SPOCK2: variants seen among roughly 807,000 people sequenced by gnomAD.
The protein encoded by SPOCK2 is SPARC (osteonectin), cwcv and kazal like domains proteoglycan 2, also known as testican-2.
In SPOCK2, 39 loss-of-function variants were observed where a neutral mutation model predicts 60.1. The observed-to-expected ratio is 0.65, with a 90% CI of 0.50 to 0.85. The LOEUF (loss-of-function observed/expected upper bound fraction) is 0.85. Among genes scored for constraint, SPOCK2 ranks in the 40% least tolerant of loss-of-function variants. The probability of loss-of-function intolerance (pLI) is 0.00; values close to 1 mark genes in which losing one functional copy is unlikely to be tolerated. For missense variants in SPOCK2, 523 were observed against 567.4 expected, an observed-to-expected ratio of 0.92 and a Z score of 0.80; for synonymous variants, 217 against 231.5, an observed-to-expected ratio of 0.94 and a Z score of 0.57.
At chr10:72,076,292 G>A (rs1840714354) in intron 1 of SPOCK2, among the ~76,000 whole-genome samples, 1 of 152,256 alleles carries the variant, frequency 6.6e-6, no homozygotes, top group South Asian at 2.1e-4. Flanking sequence ...CCACCTTTAA[G>A]CTGAAAAAAA....
chr10:72,088,038 A>G (rs1309403182), intron 1 of SPOCK2, 102 bp downstream of exon 1: 2 of 1,418,322 alleles, frequency 1.4e-6, no homozygotes, highest in African/African-American at 1.4e-5. Flanking sequence ...CAGGCTGCGG[A>G]GCCTCGGGCT....
At chr10:72,072,846 G>C in intron 2 of SPOCK2, 56 bp downstream of exon 2, 1 of 1,551,314 alleles carries the variant, frequency 6.4e-7, no homozygotes, top group Non-Finnish European at 8.7e-7. Flanking sequence ...GACACAGGAG[G>C]GGAGGGGGTG....
intron 1 of SPOCK2, among the ~76,000 whole-genome samples, chr10:72,079,538 G>C (rs184890024): frequency 6.6e-6 from 1 of 152,308 alleles, no homozygotes; most frequent in Admixed American, 6.5e-5. Context: ...GAGCCAAGCT[G>C]GGGGAGACAG....
chr10:72,086,782 C>T (rs1840861777), intron 1 of SPOCK2: 2 of 1,493,260 alleles, frequency 1.3e-6, no homozygotes, highest in East Asian at 2.6e-5. Flanking sequence ...TACAACCTGC[C>T]AGTTTGACTT....
chr10:72,082,796 G>C (rs1840803756), intron 1 of SPOCK2, among the ~76,000 whole-genome samples: 1 of 146,566 alleles, frequency 6.8e-6, no homozygotes, highest in Non-Finnish European at 1.5e-5. Context: ...GGAGGTTGCA[G>C]TGAGCCAGGA....
At chr10:72,069,197 G>A (rs1042652383) in intron 5 of SPOCK2, 3 of 159,342 alleles carry the variant, frequency 1.9e-5, no homozygotes, top group South Asian at 3.7e-4. Flanking sequence ...CAGCTCCCCT[G>A]CACCCCTCTC....
At chr10:72,066,812 A>C (rs2131811625) in intron 8 of SPOCK2, 90 bp downstream of exon 8, 1 of 1,477,642 alleles carries the variant, frequency 6.8e-7, no homozygotes, top group Non-Finnish European at 9.3e-7. Flanking sequence ...GTAGCCAAGA[A>C]AGAGCCACTC....
chr10:72,076,039 ACC>A (rs1317689594), intron 1 of SPOCK2, among the ~76,000 whole-genome samples: 2 of 151,886 alleles, frequency 1.3e-5, no homozygotes, highest in South Asian at 4.2e-4. Flanking sequence ...TGGAGAAGAG[ACC>A]CCCGGACTGC....
intron 8 of SPOCK2, 124 bp from the exon 9 acceptor site, chr10:72,064,364 C>T (rs1431740624): frequency 5.6e-6 from 6 of 1,072,790 alleles, no homozygotes; most frequent in African/African-American, 3.3e-5. Flanking sequence ...GTTTCTGACA[C>T]GGGGTCACCC....
chr10:72,088,909 CTG>C (rs1840904924), upstream of SPOCK2: 1 of 152,438 alleles, frequency 6.6e-6, no homozygotes, highest in Non-Finnish European at 1.5e-5. Context: ...TGGCCAGACA[CTG>C]TTTTTCTCCC....
chr10:72,072,928 G>T lies in SPOCK2; in HGVS notation c.190-18C>A, dbSNP rs1371715690. ...TCCACTTCCTGGAGATCAGGGAACA[G>T]CAGCAGGCCATGGAAAACGGAGCAG... On this transcript the variant is annotated intron_variant, in intron 1 of 10. Coordinates refer to ENST00000373109, the MANE Select transcript of SPOCK2 (RefSeq NM_001244950.2). The T allele has an allele frequency of 6.4e-7, 1 of 1,554,762 alleles. No individual in the cohort carries two copies. The highest frequency in any genetic ancestry group is 8.7e-7 in the Non-Finnish European group (1 of 1,148,654).
chr10:72,068,219 T>C lies in SPOCK2; in HGVS notation c.557A>G (p.Gln186Arg), dbSNP rs1840597923. The C allele has an allele frequency of 5.0e-6, 8 of 1,609,444 alleles. No homozygotes were observed. The highest frequency in any genetic ancestry group is 6.8e-6 in the Non-Finnish European group (8 of 1,177,736). Residue 186 changes from glutamine (Q) to arginine (R), a missense_variant, in exon 6 of 11, where the codon CAG becomes CGG. Gln to Arg is a conservative substitution (Grantham distance 43, BLOSUM62 1). Coordinates refer to ENST00000373109, the MANE Select transcript of SPOCK2 (RefSeq NM_001244950.2). ...CEGPCPCPTE[Q>R]AATSTADGKP... Reference sequence around the variant, plus strand: ...GCCATCGGCGGTGGAGGTGGCAGCCTGCTCCGTGGGGCAGGGGCAGGGGCC... The same window carrying C: ...GCCATCGGCGGTGGAGGTGGCAGCCCGCTCCGTGGGGCAGGGGCAGGGGCC...
rs1411206280 is a variant in SPOCK2 at position 72,059,264 on chromosome 10, A to G, written c.*3496T>C. 6.5e-6 allele frequency: 1 copy of G among 152,698 alleles called. No individual in the cohort carries two copies. Among genetic ancestry groups the G allele is most frequent in the Non-Finnish European group, 1.5e-5 (1 of 68,048 alleles). The allele number at this position is 152,698 out of a possible 1,614,324, so 9.5% of individuals were successfully genotyped here. A position where few individuals can be genotyped will look rare whatever the true frequency, so the allele number is the denominator to read the frequency against. On this transcript the variant is annotated 3_prime_UTR_variant, in exon 11 of 11. Transcript: ENST00000373109. ...TGAGTGCCCATCAACGCACACGCAC[A>G]CAGTCTAACACTTTGTTTTTCAATT...
intron 1 of SPOCK2, chr10:72,086,416 T>C: frequency 9.7e-7 from 1 of 1,030,694 alleles, no homozygotes; most frequent in Non-Finnish European, 1.2e-6. Context: ...TTTAAACCTT[T>C]CCTGTTCTGA....
chr10:72,083,748 G>A (rs1367721667), intron 1 of SPOCK2, among the ~76,000 whole-genome samples: 2 of 152,170 alleles, frequency 1.3e-5, no homozygotes, highest in Non-Finnish European at 2.9e-5. Flanking sequence ...TCAGGGAAAG[G>A]CCCACCCTCC....
At chr10:72,079,471 C>T (rs1840755556) in intron 1 of SPOCK2, among the ~76,000 whole-genome samples, 1 of 152,184 alleles carries the variant, frequency 6.6e-6, no homozygotes, top group African/African-American at 2.4e-5. Flanking sequence ...GGAGCTAACC[C>T]ATCTTCAGCT....
At chr10:72,081,498 G>A (rs1007018758) in intron 1 of SPOCK2, among the ~76,000 whole-genome samples, 5 of 152,194 alleles carry the variant, frequency 3.3e-5, no homozygotes, top group African/African-American at 4.8e-5. Context: ...TTCTCTACCC[G>A]AGGGAGCCCT....
rs1303394888 is a variant in SPOCK2 at position 72,088,167 on chromosome 10, C to A, written c.162G>T (p.Lys54Asn). The stretch of plus-strand genomic sequence containing the variant: ...CTCGGAAGCGGTTCCAGTGCTTGAT[C>A]TTGCCGCTGTACTGCGAGATGGACG... ...WLSSISQYSG[K>N]IKHWNRFRDE... The change falls in exon 1 of 11, where the codon AAG becomes AAT. Residue 54 changes from lysine (K) to asparagine (N), a missense_variant. Lys to Asn is a moderately conservative substitution (Grantham distance 94). Transcript: ENST00000373109. 3 of 1,613,116 alleles carry A rather than the reference C, an allele frequency of 1.9e-6. No homozygotes were observed. The highest frequency in any genetic ancestry group is 2.5e-6 in the Non-Finnish European group (3 of 1,179,666).
chr10:72,078,071 T>A (rs1840737834), intron 1 of SPOCK2, among the ~76,000 whole-genome samples: 1 of 152,226 alleles, frequency 6.6e-6, no homozygotes, highest in African/African-American at 2.4e-5. Context: ...AAAGGATTTA[T>A]ACCAAAATGG....
Sources: gnomAD v4.1 joint callset for allele counts (sites outside exome capture counted in the v4.1 genomes callset) on GRCh38, gnomAD v4.1.1 for gene constraint, MANE v1.5 for transcripts, NCBI Gene and HGNC (gene_info 2026-07-23, HGNC 2026-07-21) for gene names.